The following WDFY3 variants were observed in gnomAD, a reference collection of about 807,000 sequenced individuals.
WDFY3 encodes WD repeat and FYVE domain containing 3.
In WDFY3, 66 loss-of-function variants were observed where a neutral mutation model predicts 409.6. The observed-to-expected ratio is 0.16, with a 90% CI of 0.13 to 0.20. The LOEUF (loss-of-function observed/expected upper bound fraction) is 0.20. WDFY3 is among the 10% of genes least tolerant of loss of function. The pLI is 1.00. For synonymous variants in WDFY3, 1,521 were observed against 1,537.1 expected (o/e 0.99, Z 0.25); for missense variants, 3,031 against 4,298.1 (o/e 0.71, Z 8.24).
intron 21 of WDFY3, among the ~76,000 whole-genome samples, chr4:84,791,662 T>C (rs538353401): frequency 6.6e-6 from 1 of 152,334 alleles, no homozygotes; most frequent in East Asian, 1.9e-4. Context: ...AGGACAACTA[T>C]CTATTATTAG....
At chr4:84,755,228 G>A in intron 34 of WDFY3, 38 bp downstream of exon 34, 1 of 1,596,078 alleles carries the variant, frequency 6.3e-7, no homozygotes, top group Non-Finnish European at 8.5e-7. Flanking sequence ...CTAGGCAGGA[G>A]GAATTCTCAA....
intron 4 of WDFY3, among the ~76,000 whole-genome samples, chr4:84,859,707 C>G (rs1002955358): frequency 1.3e-5 from 2 of 152,158 alleles, no homozygotes; most frequent in Non-Finnish European, 1.5e-5. Context: ...TCCCGAATAG[C>G]TGGGATTACA....
At chr4:84,823,000 T>C (rs1754307604) in intron 10 of WDFY3, among the ~76,000 whole-genome samples, 1 of 152,180 alleles carries the variant, frequency 6.6e-6, no homozygotes, top group African/African-American at 2.4e-5. Context: ...CATGTGATTA[T>C]TAATTTATAT....
At chr4:84,811,575 T>C (rs1252211251) in intron 13 of WDFY3, among the ~76,000 whole-genome samples, 1 of 152,172 alleles carries the variant, frequency 6.6e-6, no homozygotes, top group African/African-American at 2.4e-5. Context: ...AATCATGACA[T>C]TATGCCCCAA....
chr4:84,900,288 C>T (rs1320414193), intron 2 of WDFY3, among the ~76,000 whole-genome samples: 3 of 152,050 alleles, frequency 2.0e-5, no homozygotes, highest in Non-Finnish European at 4.4e-5. Context: ...TTCAGTGGTA[C>T]AATCATAGCT....
chr4:84,858,320 A>G (rs1202891039), intron 4 of WDFY3, among the ~76,000 whole-genome samples: 2 of 152,202 alleles, frequency 1.3e-5, no homozygotes, highest in East Asian at 3.9e-4. Context: ...CTAGTTCCTT[A>G]CGAGGAAGAA....
intron 13 of WDFY3, among the ~76,000 whole-genome samples, chr4:84,812,009 A>C (rs982632126): frequency 4.5e-4 from 69 of 152,320 alleles, no homozygotes; most frequent in African/African-American, 1.6e-3. Context: ...GTCAGCACTC[A>C]AAAAGATTGC....
chr4:84,781,982 C>G (rs1467342652), intron 25 of WDFY3, among the ~76,000 whole-genome samples: 1 of 152,120 alleles, frequency 6.6e-6, no homozygotes, highest in Non-Finnish European at 1.5e-5. Flanking sequence ...TAAAAAGGAA[C>G]CAGTATTATA....
intron 3 of WDFY3, among the ~76,000 whole-genome samples, chr4:84,876,712 T>C (rs1352761699): frequency 6.6e-6 from 1 of 152,156 alleles, no homozygotes; most frequent in Non-Finnish European, 1.5e-5. Context: ...CATAGAGTTA[T>C]GTAACTGGTA....
chr4:84,769,721 C>T (rs1315081222), intron 30 of WDFY3, among the ~76,000 whole-genome samples: 1 of 152,068 alleles, frequency 6.6e-6, no homozygotes, highest in Non-Finnish European at 1.5e-5. Flanking sequence ...CGCGCCCGGC[C>T]TGCTTTTATT....
At chr4:84,763,547 T>A (rs1463113003) in intron 32 of WDFY3, among the ~76,000 whole-genome samples, 1 of 151,310 alleles carries the variant, frequency 6.6e-6, no homozygotes, top group Admixed American at 6.6e-5. Context: ...TAAAGTAAAA[T>A]TTTAAAAAAT....
intron 38 of WDFY3, 69 bp downstream of exon 38, chr4:84,741,692 C>A: frequency 7.0e-7 from 1 of 1,432,630 alleles, no homozygotes; most frequent in Admixed American, 2.3e-5. Context: ...TATTTAATTT[C>A]AACAATTTTG....
At chr4:84,772,051 T>C (rs779758653) in intron 30 of WDFY3, among the ~76,000 whole-genome samples, 6 of 152,190 alleles carry the variant, frequency 3.9e-5, no homozygotes, top group Non-Finnish European at 8.8e-5. Flanking sequence ...GAGGAAGTGA[T>C]ACTACAACAG....
intron 30 of WDFY3, among the ~76,000 whole-genome samples, chr4:84,766,892 C>T (rs964432005): frequency 6.6e-6 from 1 of 152,144 alleles, no homozygotes; most frequent in Non-Finnish European, 1.5e-5. Flanking sequence ...AGAGAAGAAA[C>T]GAAGAAATGG....
At chr4:84,765,168 T>C (rs918868393) in intron 32 of WDFY3, among the ~76,000 whole-genome samples, 7 of 152,156 alleles carry the variant, frequency 4.6e-5, no homozygotes, top group Non-Finnish European at 1.0e-4. Flanking sequence ...TTCAAATATA[T>C]ATTTTCCAAA....
chr4:84,883,785 G>C (rs2150424063), intron 3 of WDFY3, among the ~76,000 whole-genome samples: 1 of 152,194 alleles, frequency 6.6e-6, no homozygotes, highest in Admixed American at 6.5e-5. Flanking sequence ...GCATTTGGAG[G>C]TTAAAATTAA....
chr4:84,847,482 A>T (rs1163586130), intron 5 of WDFY3, among the ~76,000 whole-genome samples: 2 of 151,412 alleles, frequency 1.3e-5, no homozygotes, highest in Non-Finnish European at 2.9e-5. Flanking sequence ...AAAAACAAGA[A>T]ACCGCCGGGC....
chr4:84,761,364 T>C (rs1742561402), intron 32 of WDFY3, among the ~76,000 whole-genome samples: 1 of 152,196 alleles, frequency 6.6e-6, no homozygotes, highest in Non-Finnish European at 1.5e-5. Context: ...GTATCCTTGT[T>C]GACTTCCTGT....
At chr4:84,769,003 C>G (rs1297568325) in intron 30 of WDFY3, among the ~76,000 whole-genome samples, 2 of 152,136 alleles carry the variant, frequency 1.3e-5, no homozygotes, top group East Asian at 3.9e-4. Flanking sequence ...CTTTGAGGGG[C>G]TCAAGACTTC....
Sources: gnomAD v4.1 joint callset for allele counts (sites outside exome capture counted in the v4.1 genomes callset) on GRCh38, gnomAD v4.1.1 for gene constraint, MANE v1.5 for transcripts, NCBI Gene and HGNC (gene_info 2026-07-23, HGNC 2026-07-21) for gene names.